TRIM55: variants seen among roughly 807,000 people sequenced by gnomAD.
TRIM55 encodes the protein tripartite motif-containing protein 55.
A neutral mutation model predicts 60.9 loss-of-function variants in TRIM55; 50 were observed. That is an observed-to-expected ratio of 0.82 (90% CI 0.65 to 1.04). The LOEUF (loss-of-function observed/expected upper bound fraction) is 1.04. Ranked by LOEUF, TRIM55 falls within the 50% of genes least tolerant of loss-of-function variation. The pLI, the probability that TRIM55 is intolerant of heterozygous loss-of-function variation, is 0.00. For missense variants in TRIM55, 681 were observed against 666.9 expected (o/e 1.02, Z -0.23); for synonymous variants, 237 against 238.1 (o/e 1.00, Z 0.04).
At position 66,147,752 on chromosome 8, in the gene TRIM55, G is replaced by T. The variant is rs557593470; in HGVS notation, c.604-1893G>T. Among the ~76,000 whole-genome samples the T allele has an allele frequency of 5.8e-5, 8 of 136,862 alleles. No homozygotes were observed. In the Admixed American group the frequency reaches 6.9e-4, roughly 12 times the overall value. The allele number at this position is 136,862 out of a possible 152,430, so 89.8% of individuals were successfully genotyped here. A position where few individuals can be genotyped will look rare whatever the true frequency, so the allele number is the denominator to read the frequency against. ...GGAGCTTGCAGTGAGCCGAGATCGC[G>T]CCATTGCACTCCAGCGTGGGTGACA... On this transcript the variant is annotated intron_variant, in intron 4 of 9. Coordinates refer to ENST00000315962, the MANE Select transcript of TRIM55 (RefSeq NM_184085.2).
the TRIM55 span, among the ~76,000 whole-genome samples, chr8:66,114,188 T>TG: frequency 4.7e-5 from 7 of 148,336 alleles, no homozygotes; most frequent in Admixed American, 4.1e-4. Context: ...TGCCCAGCCG[T>TG]GGGGGATTAG....
intron 4 of TRIM55, among the ~76,000 whole-genome samples, chr8:66,147,365 GAAGGCAATGGAGT>G: frequency 6.6e-6 from 1 of 152,310 alleles, no homozygotes; most frequent in South Asian, 2.1e-4. Context: ...CTGTTCCAAG[GAAGGCAATGGAGT>G]AAGGGATGTA....
chr8:66,174,433 C>A (rs750736159), intron 9 of TRIM55, 38 bp from the exon 10 acceptor site: 14 of 1,599,362 alleles, frequency 8.8e-6, no homozygotes, highest in Non-Finnish European at 1.2e-5. Context: ...AAAGAACAAA[C>A]CTCTTTTTTC....
intron 9 of TRIM55, among the ~76,000 whole-genome samples, chr8:66,168,793 A>G (rs1389534619): frequency 6.6e-6 from 1 of 152,194 alleles, no homozygotes; most frequent in Admixed American, 6.5e-5. Flanking sequence ...AAGGCCCCCA[A>G]TATCTCCTCA....
chr8:66,133,758 T>G (rs1266897357), intron 2 of TRIM55, among the ~76,000 whole-genome samples: 1 of 152,214 alleles, frequency 6.6e-6, no homozygotes, highest in Non-Finnish European at 1.5e-5. Context: ...CATCAGCACG[T>G]TCTCTGCCTT....
At chr8:66,123,990 AG>A (rs1808727693), upstream of TRIM55, among the ~76,000 whole-genome samples, 1 of 152,102 alleles carries the variant, frequency 6.6e-6, no homozygotes, top group Admixed American at 6.5e-5. Flanking sequence ...AAGACCACAA[AG>A]GGAGGTAGAT....
chr8:66,164,267 C>CACA (rs1468688039), intron 9 of TRIM55, among the ~76,000 whole-genome samples: 1 of 152,188 alleles, frequency 6.6e-6, no homozygotes, highest in African/African-American at 2.4e-5. Flanking sequence ...CACGGCCAAG[C>CACA]ACAACAAAGA....
chr8:66,132,697 T>G (rs894633972), intron 2 of TRIM55, among the ~76,000 whole-genome samples: 3 of 152,186 alleles, frequency 2.0e-5, no homozygotes, highest in Admixed American at 1.3e-4. Flanking sequence ...TATGTCATTC[T>G]TTTACATGCC....
Position 66,152,718 on chromosome 8 carries a change from A to G in TRIM55, c.1236+91A>G, listed in dbSNP as rs918889742. The G allele has an allele frequency of 2.0e-6, 3 of 1,482,900 alleles. No homozygotes were observed. In the African/African-American group the frequency reaches 4.2e-5, roughly 21 times the overall value. 91.9% of individuals were successfully genotyped at this position (1,482,900 alleles called of 1,614,324 possible). A position where few individuals can be genotyped will look rare whatever the true frequency, so the allele number is the denominator to read the frequency against. ...AATTTACCCTATTCTGCCTTAAGAA[A>G]AAGATAACTATATGCCAGACATTCG... is the stretch of plus-strand genomic sequence containing the variant. On this transcript the variant is annotated intron_variant, in intron 8 of 9. Transcript: ENST00000315962.
chr8:66,123,784 G>A (rs924922518), upstream of TRIM55, among the ~76,000 whole-genome samples: 2 of 152,210 alleles, frequency 1.3e-5, no homozygotes, highest in Non-Finnish European at 2.9e-5. Flanking sequence ...CTTGAGCCCA[G>A]GAATTTGAGG....
At chr8:66,169,440 A>G (rs1043410191) in intron 9 of TRIM55, among the ~76,000 whole-genome samples, 2 of 152,232 alleles carry the variant, frequency 1.3e-5, no homozygotes, top group African/African-American at 4.8e-5. Flanking sequence ...AAAATCACTC[A>G]TCACATTTAA....
chr8:66,135,578 T>C (rs1809436397), intron 3 of TRIM55, among the ~76,000 whole-genome samples: 3 of 152,324 alleles, frequency 2.0e-5, no homozygotes, highest in African/African-American at 7.2e-5. Context: ...CATCCACCCA[T>C]GAAAGATTTC....
chr8:66,164,228 C>T (rs1312589755), intron 9 of TRIM55, among the ~76,000 whole-genome samples: 3 of 152,144 alleles, frequency 2.0e-5, no homozygotes, highest in African/African-American at 7.2e-5. Context: ...TCCAACAAGC[C>T]TGCGTCCCCT....
At chr8:66,151,631 C>T (rs896009988) in intron 7 of TRIM55, among the ~76,000 whole-genome samples, 3 of 152,074 alleles carry the variant, frequency 2.0e-5, no homozygotes, top group African/African-American at 7.2e-5. Context: ...CACTTAAGGC[C>T]AGGAGTTTGA....
At chr8:66,148,906 G>A (rs1163651389) in intron 4 of TRIM55, among the ~76,000 whole-genome samples, 1 of 152,106 alleles carries the variant, frequency 6.6e-6, no homozygotes, top group East Asian at 1.9e-4. Context: ...AAAATTAGCT[G>A]GGTGTGGTGG....
chr8:66,150,720 G>A (rs1810372760), intron 7 of TRIM55, among the ~76,000 whole-genome samples: 1 of 151,568 alleles, frequency 6.6e-6, no homozygotes, highest in African/African-American at 2.4e-5. Flanking sequence ...AGCCTAGAGT[G>A]CAATGGCACG....
In TRIM55 at chr8:66,152,625, C is replaced by T. The variant is rs886842056; in HGVS notation, c.1234C>T (p.Gln412Ter). ...ACCTGCTGCGGATGCCCCTGTGACA[C>T]AGGTAACCCCTCCTGAGTCTCTTTC... Reference protein sequence around the residue: ...LPPAADAPVTQGEVVPTGSEQ... With the variant: ...LPPAADAPVT The change falls in exon 8 of 10, where the codon CAG becomes TAG. Residue 412 changes from glutamine (Q) to a stop codon, truncating the protein, a stop_gained and splice_region_variant. Transcript: ENST00000315962. LOFTEE classifies it high-confidence loss of function. 34 of 1,613,248 alleles carry T rather than the reference C, an allele frequency of 2.1e-5. No individual in the cohort carries two copies. The highest frequency in any genetic ancestry group is 2.6e-5 in the Non-Finnish European group (31 of 1,179,682).
At chr8:66,151,864 A>C (rs1810443163) in intron 7 of TRIM55, among the ~76,000 whole-genome samples, 1 of 137,808 alleles carries the variant, frequency 7.3e-6, no homozygotes, top group South Asian at 2.1e-4. Context: ...AAATAAATAA[A>C]TAAATAAATA....
intron 7 of TRIM55, among the ~76,000 whole-genome samples, chr8:66,150,673 C>CT (rs201862185): frequency 0.033 from 4,635 of 141,966 alleles, 197 homozygotes; most frequent in African/African-American, 0.1. Context: ...CATATGGTGC[C>CT]TTTTTTTTTT....
Sources: gnomAD v4.1 joint callset for allele counts (sites outside exome capture counted in the v4.1 genomes callset) on GRCh38, gnomAD v4.1.1 for gene constraint, MANE v1.5 for transcripts, NCBI Gene and HGNC (gene_info 2026-07-23, HGNC 2026-07-21) for gene names.